Variants in KIF1B observed in about 807,000 individuals in gnomAD.
KIF1B encodes kinesin-like protein KIF1B.
Under a neutral mutation model 241.9 loss-of-function variants are expected in KIF1B, and 76 were observed. The ratio of observed to expected loss-of-function variants is 0.31; its 90% CI spans 0.26 to 0.38. KIF1B has a LOEUF of 0.38. Ranked by LOEUF, KIF1B falls within the 10% of genes least tolerant of loss-of-function variation. KIF1B has a pLI of 1.00. For synonymous variants in KIF1B, 750 were observed against 796.7 expected (o/e 0.94, Z 0.99); for missense variants, 1,622 against 2,271.4 (o/e 0.71, Z 5.81).
chr1:10,261,786 C>A, intron 4 of KIF1B, 119 bp from the exon 5 acceptor site: 1 of 737,114 alleles, frequency 1.4e-6, no homozygotes, highest in Non-Finnish European at 2.5e-6. Flanking sequence ...ATGTTTATGA[C>A]ATAATATATT....
At chr1:10,241,824 A>G (rs1647140449) in intron 2 of KIF1B, among the ~76,000 whole-genome samples, 1 of 152,052 alleles carries the variant, frequency 6.6e-6, no homozygotes, top group African/African-American at 2.4e-5. Context: ...AGTCTAGCCA[A>G]TATCGTGGTG....
At chr1:10,306,672 A>G in intron 22 of KIF1B, 3 of 800,140 alleles carry the variant, frequency 3.7e-6, no homozygotes, top group African/African-American at 1.8e-5. Context: ...GAGCAGGCCA[A>G]AACTCCCAGG....
At position 10,376,845 on chromosome 1, in the gene KIF1B, A is replaced by G; in HGVS notation, c.*258A>G. 1.3e-5 allele frequency: 6 copies of G among 458,966 alleles called. No homozygotes were observed. The highest frequency in any genetic ancestry group is 2.4e-5 in the Non-Finnish European group (6 of 246,830). 28.4% of individuals were successfully genotyped at this position (458,966 alleles called of 1,614,324 possible). A position where few individuals can be genotyped will look rare whatever the true frequency, so the allele number is the denominator to read the frequency against. ...AAAAAATGTTTTTAAACACACACAC[A>G]CACACACACACACACACACACATAC... is the stretch of plus-strand genomic sequence containing the variant. On this transcript the variant is annotated 3_prime_UTR_variant, in exon 49 of 49. Transcript: ENST00000676179.
intron 22 of KIF1B, among the ~76,000 whole-genome samples, chr1:10,297,816 T>A (rs1035439436): frequency 6.6e-6 from 1 of 152,134 alleles, no homozygotes; most frequent in Non-Finnish European, 1.5e-5. Flanking sequence ...CAGTGGCATG[T>A]GTGGTAGCGG....
chr1:10,227,032 CTTTT>C (rs747870005), intron 1 of KIF1B, among the ~76,000 whole-genome samples: 1,915 of 112,880 alleles, frequency 0.017, 47 homozygotes, highest in African/African-American at 0.061. Flanking sequence ...GCAAGTCTCT[CTTTT>C]TTTTTTTTTT....
chr1:10,262,569 G>A (rs1648211015), intron 5 of KIF1B, among the ~76,000 whole-genome samples: 1 of 152,130 alleles, frequency 6.6e-6, no homozygotes, highest in South Asian at 2.1e-4. Context: ...GTAATGCTGG[G>A]TAACAGTTTT....
intron 43 of KIF1B, among the ~76,000 whole-genome samples, chr1:10,367,104 A>AT (rs1361869225): frequency 6.6e-6 from 1 of 151,566 alleles, no homozygotes; most frequent in East Asian, 2.0e-4. Flanking sequence ...TTAAAATTTT[A>AT]TTTTTTTTGA....
intron 3 of KIF1B, among the ~76,000 whole-genome samples, chr1:10,257,904 T>A (rs1385299671): frequency 6.6e-6 from 1 of 152,180 alleles, no homozygotes; most frequent in Non-Finnish European, 1.5e-5. Flanking sequence ...CTCGAATTCC[T>A]ATCCTCAAGT....
chr1:10,310,483 G>A (rs1324136183), intron 22 of KIF1B, among the ~76,000 whole-genome samples: 3 of 151,724 alleles, frequency 2.0e-5, no homozygotes, highest in South Asian at 2.1e-4. Flanking sequence ...GTTGTAGTAC[G>A]AAAGCAGCCA....
intron 23 of KIF1B, 43 bp from the exon 24 acceptor site, chr1:10,321,666 A>C (rs924382691): frequency 6.2e-7 from 1 of 1,600,338 alleles, no homozygotes; most frequent in Non-Finnish European, 8.6e-7. Flanking sequence ...ATTTTTATAT[A>C]GTTGTAAGAT....
intron 22 of KIF1B, chr1:10,306,557 A>G (rs899266796): frequency 4.1e-5 from 21 of 516,108 alleles, no homozygotes; most frequent in African/African-American, 3.8e-4. Flanking sequence ...GCTGTGGTAC[A>G]CTATGCCAGT....
At chr1:10,258,470 A>G (rs1394130309) in intron 3 of KIF1B, 23 bp from the exon 4 acceptor site, 11 of 1,609,492 alleles carry the variant, frequency 6.8e-6, no homozygotes, top group Middle Eastern at 1.6e-4. Context: ...AAGGTTATTT[A>G]TTTCTCCTTT....
chr1:10,254,316 A>G (rs1290151716), intron 2 of KIF1B, among the ~76,000 whole-genome samples: 1 of 152,210 alleles, frequency 6.6e-6, no homozygotes, highest in Non-Finnish European at 1.5e-5. Flanking sequence ...TTTGGCTGCT[A>G]ACTTACCTAG....
At chr1:10,253,667 G>T (rs1647598766) in intron 2 of KIF1B, among the ~76,000 whole-genome samples, 1 of 152,158 alleles carries the variant, frequency 6.6e-6, no homozygotes, top group African/African-American at 2.4e-5. Flanking sequence ...TTCGTAGACA[G>T]AAAGTACTTA....
intron 38 of KIF1B, among the ~76,000 whole-genome samples, chr1:10,353,508 G>GA (rs1219162122): frequency 1.3e-5 from 2 of 152,142 alleles, no homozygotes; most frequent in African/African-American, 4.8e-5. Context: ...TAGGGGCTGG[G>GA]AAACAGGAGC....
At chr1:10,300,777 G>C (rs1650502323) in intron 22 of KIF1B, among the ~76,000 whole-genome samples, 3 of 152,218 alleles carry the variant, frequency 2.0e-5, no homozygotes, top group African/African-American at 7.2e-5. Flanking sequence ...ATTTATGAAT[G>C]TCATATTTAT....
chr1:10,306,090 T>C, intron 22 of KIF1B: 1 of 1,041,812 alleles, frequency 9.6e-7, no homozygotes, highest in Non-Finnish European at 1.2e-6. Context: ...TTTTTAATCA[T>C]AGTATTTTTT....
At chr1:10,237,258 C>T (rs1349398141) in intron 2 of KIF1B, among the ~76,000 whole-genome samples, 1 of 152,094 alleles carries the variant, frequency 6.6e-6, no homozygotes, top group Non-Finnish European at 1.5e-5. Context: ...ACTTGAGAAG[C>T]ATTTCTTATT....
chr1:10,322,979 G>A (rs947625037), intron 24 of KIF1B, among the ~76,000 whole-genome samples: 2 of 152,050 alleles, frequency 1.3e-5, no homozygotes, highest in South Asian at 2.1e-4. Context: ...TGTCGCCCAG[G>A]CTGGAGTACA....
Sources: allele counts gnomAD v4.1 joint callset (sites outside exome capture counted in the v4.1 genomes callset), GRCh38; gene constraint gnomAD v4.1.1; transcripts MANE v1.5; gene names NCBI Gene and HGNC (gene_info 2026-07-23, HGNC 2026-07-21).